The following LRP1B variants were observed in gnomAD, a reference collection of about 807,000 sequenced individuals.
LRP1B encodes LDL receptor related protein 1B.
A neutral mutation model predicts 556.6 loss-of-function variants in LRP1B; 217 were observed. The ratio of observed to expected loss-of-function variants is 0.39; its 90% CI spans 0.35 to 0.44. The LOEUF is 0.44. Among genes scored for constraint, LRP1B ranks in the 20% least tolerant of loss-of-function variants. The probability of loss-of-function intolerance (pLI) is 1.00; values close to 1 mark genes in which losing one functional copy is unlikely to be tolerated. For synonymous variants in LRP1B, 2,047 were observed against 1,865.8 expected, an observed-to-expected ratio of 1.10 and a Z score of -2.50; for missense variants, 5,053 against 5,620.8, an observed-to-expected ratio of 0.90 and a Z score of 3.23.
intron 89 of LRP1B, 150 bp downstream of exon 89, chr2:140,238,002 C>G (rs983530478): frequency 3.0e-5 from 15 of 505,830 alleles, no homozygotes; most frequent in Middle Eastern, 2.9e-4. Flanking sequence ...TGTACTTTCT[C>G]TTTAGAAGAG....
At chr2:141,525,549 G>T (rs534601347) in intron 2 of LRP1B, among the ~76,000 whole-genome samples, 42 of 152,004 alleles carry the variant, frequency 2.8e-4, no homozygotes, top group South Asian at 8.3e-4. Context: ...GACACTCAGG[G>T]AACTTAAAAA....
intron 7 of LRP1B, among the ~76,000 whole-genome samples, chr2:141,187,884 A>G (rs1681327105): frequency 6.6e-6 from 1 of 152,046 alleles, no homozygotes; most frequent in African/African-American, 2.4e-5. Context: ...GGAATTCACT[A>G]ACACCATAAT....
intron 3 of LRP1B, among the ~76,000 whole-genome samples, chr2:141,339,313 A>C (rs1379842634): frequency 2.0e-5 from 3 of 152,040 alleles, no homozygotes; most frequent in Non-Finnish European, 4.4e-5. Flanking sequence ...AAAAAAAAAA[A>C]AGCATTCAAA....
At chr2:140,855,493 G>GGAAAAAAA (rs570169727) in intron 27 of LRP1B, among the ~76,000 whole-genome samples, 3 of 99,396 alleles carry the variant, frequency 3.0e-5, no homozygotes, top group African/African-American at 3.8e-5. Context: ...TCTCTACTGG[G>GGAAAAAAA]AAAAAAAAAA....
intron 30 of LRP1B, 82 bp downstream of exon 30, chr2:140,840,836 A>G: frequency 9.2e-7 from 1 of 1,083,286 alleles, no homozygotes; most frequent in Non-Finnish European, 1.3e-6. Context: ...ATATCCTCTG[A>G]ATTAAGCAAT....
intron 66 of LRP1B, among the ~76,000 whole-genome samples, chr2:140,417,962 G>A (rs1327458528): frequency 2.0e-5 from 3 of 152,150 alleles, no homozygotes; most frequent in East Asian, 1.9e-4. Flanking sequence ...TCTAAAGGTC[G>A]ATCACTAGCC....
At chr2:141,581,317 A>T (rs1243361721) in intron 2 of LRP1B, among the ~76,000 whole-genome samples, 2 of 152,184 alleles carry the variant, frequency 1.3e-5, no homozygotes, top group East Asian at 3.9e-4. Flanking sequence ...GCCCTAGGTA[A>T]TACACTTTAA....
chr2:140,263,210 C>T lies in LRP1B; in HGVS notation c.13247+7032G>A, dbSNP rs185415738. Among the ~76,000 whole-genome samples the T allele has an allele frequency of 2.1e-3, 325 of 152,192 alleles. 3 individuals carry two copies. The highest frequency in any genetic ancestry group is 6.8e-3 in the Middle Eastern group (2 of 294). On this transcript the variant is annotated intron_variant, in intron 86 of 90. Coordinates refer to ENST00000389484, the MANE Select transcript of LRP1B (RefSeq NM_018557.3). ...CTGGGGTTACAGGCATGAGCCACCA[C>T]GCCTGGTCTGAAAATATGTTCTTAA...
chr2:141,404,781 A>G (rs549735700), intron 3 of LRP1B, among the ~76,000 whole-genome samples: 1 of 152,176 alleles, frequency 6.6e-6, no homozygotes, highest in Non-Finnish European at 1.5e-5. Context: ...TCCTTCTAAG[A>G]TGAGTAAAAT....
intron 1 of LRP1B, among the ~76,000 whole-genome samples, chr2:142,053,397 A>T (rs569222486): frequency 1.3e-5 from 2 of 152,264 alleles, no homozygotes; most frequent in East Asian, 3.9e-4. Context: ...GTTCACAGCT[A>T]TAAAATACAA....
chr2:141,852,160 G>C (rs535442687), intron 1 of LRP1B, among the ~76,000 whole-genome samples: 3 of 151,850 alleles, frequency 2.0e-5, no homozygotes, highest in South Asian at 2.1e-4. Flanking sequence ...GTCAGTTGCA[G>C]TGATTTGCAC....
At chr2:141,354,442 A>G (rs1688553036) in intron 3 of LRP1B, among the ~76,000 whole-genome samples, 1 of 152,068 alleles carries the variant, frequency 6.6e-6, no homozygotes, top group Non-Finnish European at 1.5e-5. Flanking sequence ...CAAAAGCTTT[A>G]TTTTATGCAA....
intron 66 of LRP1B, among the ~76,000 whole-genome samples, chr2:140,428,377 G>C (rs1004401128): frequency 1.3e-5 from 2 of 152,124 alleles, no homozygotes; most frequent in East Asian, 1.9e-4. Context: ...GCAGTGGCCA[G>C]GTATTCCTCC....
intron 3 of LRP1B, among the ~76,000 whole-genome samples, chr2:141,277,845 A>C (rs1421443428): frequency 1.3e-5 from 2 of 152,092 alleles, no homozygotes; most frequent in Non-Finnish European, 2.9e-5. Flanking sequence ...TATTAATCAC[A>C]AGTGCTACCC....
rs780510994 is a variant in LRP1B at position 140,335,713 on chromosome 2, G to C, written c.12018C>G (p.Tyr4006Ter). The C allele has an allele frequency of 6.2e-7, 1 of 1,612,068 alleles. No individual in the cohort carries two copies. Among genetic ancestry groups the C allele is most frequent in the Non-Finnish European group, 8.5e-7 (1 of 1,178,486 alleles). Residue 4006 changes from tyrosine (Y) to a stop codon, truncating the protein, a stop_gained, in exon 78 of 91, where the codon TAC becomes TAG. Transcript: ENST00000389484. LOFTEE classifies it high-confidence loss of function. ...YYTTHWTSLR[Y>*]SINVGQLNGP... ...CATTCAGCTGCCCTACGTTGATAGA[G>C]TACCTCAGACTGGTCCAGTGAGTAG...
At chr2:141,245,626 T>G (rs1348285142) in intron 5 of LRP1B, among the ~76,000 whole-genome samples, 1 of 152,234 alleles carries the variant, frequency 6.6e-6, no homozygotes, top group Non-Finnish European at 1.5e-5. Flanking sequence ...ATTTTCAAGC[T>G]AATTCACTCC....
chr2:141,305,822 C>T (rs1190266734), intron 3 of LRP1B, among the ~76,000 whole-genome samples: 1 of 152,122 alleles, frequency 6.6e-6, no homozygotes, highest in African/African-American at 2.4e-5. Flanking sequence ...TTATCAATTT[C>T]TTCCTGCATC....
intron 85 of LRP1B, among the ~76,000 whole-genome samples, chr2:140,272,258 AACACACACACACAC>A (rs10654741): frequency 7.6e-4 from 114 of 149,428 alleles, no homozygotes; most frequent in African/African-American, 2.3e-3. Flanking sequence ...TGCACACACA[AACACACACACACAC>A]ACACACACAC....
chr2:140,809,710 G>T (rs768923959), intron 32 of LRP1B, among the ~76,000 whole-genome samples: 1 of 152,172 alleles, frequency 6.6e-6, no homozygotes, highest in Non-Finnish European at 1.5e-5. Flanking sequence ...TGGTTTCTGT[G>T]GGTCTAGAAT....
Sources: gnomAD v4.1 joint callset for allele counts (sites outside exome capture counted in the v4.1 genomes callset) on GRCh38, gnomAD v4.1.1 for gene constraint, MANE v1.5 for transcripts, NCBI Gene and HGNC (gene_info 2026-07-23, HGNC 2026-07-21) for gene names.